Variants in DAB1 observed in about 807,000 individuals in gnomAD.
DAB1 encodes disabled homolog 1.
In DAB1, 15 loss-of-function variants were observed where a neutral mutation model predicts 64.6. That is an observed-to-expected ratio of 0.23 (90% CI 0.16 to 0.36). The LOEUF (loss-of-function observed/expected upper bound fraction) is 0.36. Among genes scored for constraint, DAB1 ranks in the 10% least tolerant of loss-of-function variants. The pLI, the probability that DAB1 is intolerant of heterozygous loss-of-function variation, is 1.00. For synonymous variants in DAB1, 235 were observed against 251.9 expected (o/e 0.93, Z 0.64); for missense variants, 596 against 706.7 (o/e 0.84, Z 1.78).
intron 2 of DAB1, among the ~76,000 whole-genome samples, chr1:57,289,841 A>G (rs1672624554): frequency 6.6e-6 from 1 of 152,202 alleles, no homozygotes; most frequent in African/African-American, 2.4e-5. Flanking sequence ...CAGAAACTAC[A>G]GGGAGAAAAC....
At chr1:58,265,573 A>G (rs969257473) in intron 4 of DAB1, among the ~76,000 whole-genome samples, 3 of 152,238 alleles carry the variant, frequency 2.0e-5, no homozygotes, top group African/African-American at 7.2e-5. Context: ...TCAAACCAGC[A>G]ATTTTTTTTC....
chr1:58,007,007 T>G (rs1014010259), intron 5 of DAB1, among the ~76,000 whole-genome samples: 3 of 152,292 alleles, frequency 2.0e-5, no homozygotes, highest in East Asian at 1.9e-4. Flanking sequence ...TCATTCTACA[T>G]CTCAGTGAGG....
chr1:57,598,051 T>G (rs947564403), intron 7 of DAB1, among the ~76,000 whole-genome samples: 33 of 152,298 alleles, frequency 2.2e-4, no homozygotes, highest in African/African-American at 7.5e-4. Flanking sequence ...GGCACGATCT[T>G]GGCTCACTGC....
At chr1:57,438,324 G>C (rs61138078) in intron 7 of DAB1, among the ~76,000 whole-genome samples, 1 of 151,972 alleles carries the variant, frequency 6.6e-6, no homozygotes, top group African/African-American at 2.4e-5. Flanking sequence ...CTGAGAGCTA[G>C]GGATCTCATT....
chr1:58,365,052 C>T (rs1414411179), intron 3 of DAB1, among the ~76,000 whole-genome samples: 2 of 152,178 alleles, frequency 1.3e-5, no homozygotes, highest in South Asian at 2.1e-4. Flanking sequence ...TCTCCCTGCC[C>T]TCGTTGCGTA....
chr1:58,292,728 A>G (rs2100451750), intron 4 of DAB1, among the ~76,000 whole-genome samples: 1 of 152,350 alleles, frequency 6.6e-6, no homozygotes, highest in East Asian at 1.9e-4. Flanking sequence ...TTGGGTACTC[A>G]GACCAAAAGG....
chr1:57,161,561 A>G (rs1349200801), intron 2 of DAB1, among the ~76,000 whole-genome samples: 1 of 152,236 alleles, frequency 6.6e-6, no homozygotes, highest in African/African-American at 2.4e-5. Context: ...GCACTGACAA[A>G]GTCGTATTAG....
rs146852650 is a variant in DAB1, at chr1:57,001,885, C to G, written c.*16-3757G>C. Among the ~76,000 whole-genome samples, 190 of 152,278 alleles carry G rather than the reference C, an allele frequency of 1.2e-3. 1 individual carries two copies. The highest frequency in any genetic ancestry group is 4.4e-3 in the African/African-American group (183 of 41,568). On this transcript the variant is annotated intron_variant, in intron 14 of 14. Coordinates refer to ENST00000371236, the MANE Select transcript of DAB1 (RefSeq NM_001365792.1). Reference sequence around the variant, plus strand: ...ACTGTGCTCCTGGATGCTTCAGAACCTGTGCAGATCTCTGTCTTCACTCCT... The same window carrying G: ...ACTGTGCTCCTGGATGCTTCAGAACGTGTGCAGATCTCTGTCTTCACTCCT...
At chr1:57,355,131 T>C (rs1199199539) in intron 1 of DAB1, among the ~76,000 whole-genome samples, 1 of 152,096 alleles carries the variant, frequency 6.6e-6, no homozygotes, top group Admixed American at 6.6e-5. Context: ...GATACAATCT[T>C]GGTCAAAAAC....
intron 9 of DAB1, among the ~76,000 whole-genome samples, chr1:57,044,633 C>T (rs759676579): frequency 2.6e-5 from 4 of 152,130 alleles, no homozygotes; most frequent in Non-Finnish European, 5.9e-5. Flanking sequence ...ATACCAAAAG[C>T]AGAAAGTGTC....
chr1:57,975,761 C>T (rs147435745), intron 5 of DAB1, among the ~76,000 whole-genome samples: 1,922 of 152,260 alleles, frequency 0.013, 16 homozygotes, highest in Non-Finnish European at 0.019. Flanking sequence ...TGATGCACAG[C>T]AGGGTTGAAA....
intron 2 of DAB1, among the ~76,000 whole-genome samples, chr1:57,255,570 G>C (rs946170876): frequency 6.6e-6 from 1 of 152,116 alleles, no homozygotes; most frequent in African/African-American, 2.4e-5. Context: ...TGAGGTGGGA[G>C]AATCACCTGA....
intron 6 of DAB1, among the ~76,000 whole-genome samples, chr1:57,742,425 G>A (rs1648046113): frequency 6.6e-6 from 1 of 152,190 alleles, no homozygotes. Flanking sequence ...AAGTCACCCT[G>A]ACCCTGGCTG....
At position 57,360,908 on chromosome 1, in the gene DAB1, G is replaced by A. The variant is rs6658463; in HGVS notation, c.-137+63022C>T. On this transcript the variant is annotated intron_variant, in intron 1 of 14. Transcript: ENST00000371236. The stretch of plus-strand genomic sequence containing the variant: ...AATTCTGTTTATCCATTATTTCAAC[G>A]CACATTTACAATACTTTTTATATGT... Among the ~76,000 whole-genome samples, 819 of 152,088 alleles carry A rather than the reference G, an allele frequency of 5.4e-3. 8 individuals are homozygous for A. Among genetic ancestry groups the A allele is most frequent in the African/African-American group, 0.018 (749 of 41,480 alleles).
intron 3 of DAB1, among the ~76,000 whole-genome samples, chr1:58,457,499 A>T (rs1370470381): frequency 6.6e-6 from 1 of 152,222 alleles, no homozygotes; most frequent in East Asian, 1.9e-4. Flanking sequence ...TACACAGCTC[A>T]TGTTGTACAG....
chr1:57,380,491 T>C (rs888601853), intron 1 of DAB1, among the ~76,000 whole-genome samples: 2 of 152,208 alleles, frequency 1.3e-5, no homozygotes, highest in Non-Finnish European at 2.9e-5. Context: ...TTCCTTAAAG[T>C]GGCCAGCAGT....
chr1:58,131,456 C>A (rs998630368), intron 5 of DAB1, among the ~76,000 whole-genome samples: 5 of 146,024 alleles, frequency 3.4e-5, no homozygotes, highest in Non-Finnish European at 6.1e-5. Flanking sequence ...CTTCTCTCAG[C>A]TCGTCAAAGT....
intron 2 of DAB1, among the ~76,000 whole-genome samples, chr1:57,286,483 G>A (rs959376948): frequency 1.3e-5 from 2 of 152,182 alleles, no homozygotes; most frequent in Admixed American, 6.6e-5. Context: ...TATTATCCTG[G>A]AAGGCCAGTT....
At chr1:57,552,161 T>C (rs1018180579) in intron 7 of DAB1, among the ~76,000 whole-genome samples, 4 of 152,160 alleles carry the variant, frequency 2.6e-5, no homozygotes, top group South Asian at 4.1e-4. Flanking sequence ...TTTCTCACAA[T>C]TGGGACACTC....
Sources: gnomAD v4.1 joint callset for allele counts (sites outside exome capture counted in the v4.1 genomes callset) on GRCh38, gnomAD v4.1.1 for gene constraint, MANE v1.5 for transcripts, NCBI Gene and HGNC (gene_info 2026-07-23, HGNC 2026-07-21) for gene names.